CGREF1: variants seen among roughly 807,000 people sequenced by gnomAD.
The protein encoded by CGREF1 is cell growth regulator with EF hand domain protein 1.
A neutral mutation model predicts 17.4 loss-of-function variants in CGREF1; 16 were observed. The ratio of observed to expected loss-of-function variants is 0.92; its 90% CI spans 0.62 to 1.40. The LOEUF is 1.40. Ranked by LOEUF, CGREF1 falls within the 40% of genes most tolerant of loss-of-function variation. CGREF1 has a pLI of 0.00. For missense variants in CGREF1, 296 were observed against 376.4 expected (o/e 0.79, Z 1.77); for synonymous variants, 142 against 154.6 (o/e 0.92, Z 0.61).
intron 1 of CGREF1, among the ~76,000 whole-genome samples, chr2:27,115,814 C>T (rs1671544694): frequency 1.3e-5 from 2 of 152,196 alleles, no homozygotes; most frequent in South Asian, 4.1e-4. Context: ...AAAATACTTT[C>T]CACTTTCACT....
chr2:27,104,712 G>C lies in CGREF1; in HGVS notation c.-11-335C>G. ...AGAGAAGTACAGCGCAAGCATATCT[G>C]ACCTCCTTCAGCCCATTCATCTTAC... On this transcript the variant is annotated intron_variant, in intron 1 of 5. Coordinates refer to ENST00000402394, the MANE Select transcript of CGREF1 (RefSeq NM_006569.6). 3 of 1,546,682 alleles carry C rather than the reference G, an allele frequency of 1.9e-6. No homozygotes were observed. In the South Asian group the frequency reaches 3.6e-5, roughly 18 times the overall value.
chr2:27,103,706 C>G (rs1040591463), intron 2 of CGREF1, among the ~76,000 whole-genome samples: 5 of 150,742 alleles, frequency 3.3e-5, no homozygotes, highest in African/African-American at 1.2e-4. Context: ...AACTGCAGGC[C>G]AGGCACGGTG....
At position 27,101,148 on chromosome 2, in the gene CGREF1, C is replaced by G. The variant is rs1670802346; in HGVS notation, c.*126G>C. ...GTCTCCCTGAGCTGCACAGAAAGACCTGATACCTACTGGGACCAGGCAGGG... is the reference window on the plus strand; with the variant it reads ...GTCTCCCTGAGCTGCACAGAAAGACGTGATACCTACTGGGACCAGGCAGGG... On this transcript the variant is annotated 3_prime_UTR_variant, in exon 6 of 6. Transcript: ENST00000402394. 6.8e-7 allele frequency: 1 copy of G among 1,470,782 alleles called. No homozygotes were observed. The highest frequency in any genetic ancestry group is 1.4e-5 in the African/African-American group (1 of 70,952). 91.1% of individuals were successfully genotyped at this position (1,470,782 alleles called of 1,614,324 possible).
intron 1 of CGREF1, among the ~76,000 whole-genome samples, chr2:27,107,881 C>T: frequency 7.5e-6 from 1 of 132,672 alleles, no homozygotes; most frequent in South Asian, 2.5e-4. Flanking sequence ...TTGCAGTGAG[C>T]TGAGATCATG....
downstream of CGREF1, chr2:27,100,417 T>C: frequency 7.7e-7 from 1 of 1,290,678 alleles, no homozygotes; most frequent in Non-Finnish European, 1.0e-6. Context: ...GGAGCCCACC[T>C]TGGAATTAAG....
At chr2:27,113,574 C>T (rs982209953) in intron 1 of CGREF1, among the ~76,000 whole-genome samples, 1 of 152,050 alleles carries the variant, frequency 6.6e-6, no homozygotes, top group Non-Finnish European at 1.5e-5. Context: ...ATAGGTGGTA[C>T]GGCCCAAAGT....
Position 27,101,803 on chromosome 2 carries a change from G to T in CGREF1, c.428C>A (p.Pro143Gln). The change falls in exon 6 of 6, where the codon CCG (proline) becomes CAG (glutamine). Residue 143 changes from proline (P) to glutamine (Q), a missense_variant. Around this residue, in one of 3 missense-constraint regions of CGREF1, gnomAD observed 247 missense variants for 267.2 expected, o/e 0.92. Transcript: ENST00000402394. ...CTCCACGTGCCTGAGGGCTACTCCC[G>T]GGAAGTTGATGAGCTCAGCAGGGGT... ...LMTPAELINF[P>Q]GVALRHVEPG... is the part of the protein sequence containing the mutation. The T allele has an allele frequency of 3.1e-6, 5 of 1,614,174 alleles. No individual in the cohort carries two copies. Among genetic ancestry groups the T allele is most frequent in the Non-Finnish European group, 4.2e-6 (5 of 1,180,024 alleles).
intron 1 of CGREF1, among the ~76,000 whole-genome samples, chr2:27,117,101 C>G (rs1370062954): frequency 6.6e-6 from 1 of 151,280 alleles, no homozygotes; most frequent in Non-Finnish European, 1.5e-5. Flanking sequence ...TTAGTAGAGA[C>G]GGGGTTTCAC....
chr2:27,109,947 T>G (rs1572900116), intron 1 of CGREF1, among the ~76,000 whole-genome samples: 1 of 132,106 alleles, frequency 7.6e-6, no homozygotes, highest in African/African-American at 2.8e-5. Context: ...ATTAAAAAAT[T>G]AGAACTGGAA....
At chr2:27,112,511 A>G (rs887624117) in intron 1 of CGREF1, among the ~76,000 whole-genome samples, 2 of 152,248 alleles carry the variant, frequency 1.3e-5, no homozygotes, top group African/African-American at 2.4e-5. Context: ...TTCTGGAACT[A>G]TAAACCTGAA....
At chr2:27,111,806 C>A (rs1438508683) in intron 1 of CGREF1, among the ~76,000 whole-genome samples, 2 of 151,922 alleles carry the variant, frequency 1.3e-5, no homozygotes, top group Non-Finnish European at 2.9e-5. Context: ...TCGCGCTGGC[C>A]GGCAAGCGCC....
chr2:27,111,640 T>A (rs2148395682), intron 1 of CGREF1, among the ~76,000 whole-genome samples: 1 of 152,198 alleles, frequency 6.6e-6, no homozygotes, highest in East Asian at 1.9e-4. Context: ...GGGCTGCAGG[T>A]CTCGAGCCCT....
chr2:27,111,975 G>A (rs1374042228), intron 1 of CGREF1, among the ~76,000 whole-genome samples: 1 of 152,248 alleles, frequency 6.6e-6, no homozygotes, highest in Admixed American at 6.5e-5. Flanking sequence ...CCAAGGCCGA[G>A]GAGGCGCCGA....
At chr2:27,099,896 C>G, downstream of CGREF1, 1 of 1,530,848 alleles carries the variant, frequency 6.5e-7, no homozygotes, top group Non-Finnish European at 8.9e-7. Context: ...TCCTGTGTTC[C>G]CCACAGGGAG....
Position 27,102,371 on chromosome 2 carries a change from C to T in CGREF1, c.206G>A (p.Ser69Asn). Residue 69 changes from serine to asparagine, a missense_variant, in exon 4 of 6, where the codon AGC becomes AAC. Transcript: ENST00000402394. The part of the protein sequence containing the change: ...GRTEVQLEHL[S>N]REQVLLYLFA... ...GCCCAGCCCCTCACCCTGCTCCCGG[C>T]TCAGATGCTCCAGTTGCACTTCTGT... is the stretch of plus-strand genomic sequence containing the variant. 6.2e-7 allele frequency: 1 copy of T among 1,614,200 alleles called. No individual in the cohort carries two copies. The highest frequency in any genetic ancestry group is 8.5e-7 in the Non-Finnish European group (1 of 1,180,018).
intron 1 of CGREF1, among the ~76,000 whole-genome samples, chr2:27,109,008 C>A (rs1671242868): frequency 6.6e-6 from 1 of 151,922 alleles, no homozygotes; most frequent in African/African-American, 2.4e-5. Flanking sequence ...TGGGTGCAAG[C>A]AATCCTCCTA....
chr2:27,116,044 C>G (rs1007865066), intron 1 of CGREF1, among the ~76,000 whole-genome samples: 4 of 151,866 alleles, frequency 2.6e-5, no homozygotes, highest in Non-Finnish European at 5.9e-5. Context: ...GAGACCCCCC[C>G]CATCTCTAAA....
At position 27,101,768 on chromosome 2, in the gene CGREF1, G is replaced by C. The variant is rs574816673; in HGVS notation, c.463C>G (p.Pro155Ala). ...GGCTCCTGAGGAGATGGAGCAAGGG[G>C]CTCTCCGGGCTCCACGTGCCTGAGG... is the stretch of plus-strand genomic sequence containing the variant. ...VALRHVEPGE[P>A]LAPSPQEPQA... is the part of the protein sequence containing the mutation. Residue 155 changes from proline (P) to alanine (A), a missense_variant, in exon 6 of 6, where the codon CCC becomes GCC. Around this residue, in one of 3 missense-constraint regions of CGREF1, gnomAD observed 247 missense variants for 267.2 expected, o/e 0.92. Coordinates refer to ENST00000402394, the MANE Select transcript of CGREF1 (RefSeq NM_006569.6). The C allele has an allele frequency of 2.5e-6, 4 of 1,614,224 alleles. No individual in the cohort carries two copies. The East Asian group carries it at 8.9e-5, about 36-fold the overall frequency.
rs916904205 is a variant in CGREF1, at chr2:27,118,047, G to T, written c.-12+799C>A. Among the ~76,000 whole-genome samples the T allele has an allele frequency of 3.3e-5, 5 of 152,210 alleles. No individual in the cohort carries two copies. In the South Asian group the frequency reaches 1.0e-3, roughly 32 times the overall value. ...TCTGCATTTTAAAAATGAGGATAACGGTATCTGTCTCCTAAAGGTTTGGGG... is the reference window on the plus strand; with the variant it reads ...TCTGCATTTTAAAAATGAGGATAACTGTATCTGTCTCCTAAAGGTTTGGGG... On this transcript the variant is annotated intron_variant, in intron 1 of 5. Transcript: ENST00000402394.
Sources: gnomAD v4.1 joint callset for allele counts (sites outside exome capture counted in the v4.1 genomes callset) on GRCh38, gnomAD v4.1.1 for gene constraint, gnomAD v4.1.1 regional missense constraint, MANE v1.5 for transcripts, NCBI Gene and HGNC (gene_info 2026-07-23, HGNC 2026-07-21) for gene names.